The following DNAAF9 variants were observed in gnomAD, a reference collection of about 807,000 sequenced individuals.
DNAAF9 encodes the protein shulin.
A neutral mutation model predicts 167.0 loss-of-function variants in DNAAF9; 90 were observed. That is an observed-to-expected ratio of 0.54 (90% confidence interval 0.45 to 0.64). DNAAF9 has a LOEUF of 0.64. Ranked by LOEUF, DNAAF9 falls within the 30% of genes least tolerant of loss-of-function variation. DNAAF9 has a pLI of 0.00. For synonymous variants in DNAAF9, 491 were observed against 508.8 expected, an observed-to-expected ratio of 0.96 and a Z score of 0.47; for missense variants, 1,315 against 1,442.2, an observed-to-expected ratio of 0.91 and a Z score of 1.43.
intron 27 of DNAAF9, 25 bp downstream of exon 27, chr20:3,287,607 T>C: frequency 6.2e-7 from 1 of 1,612,696 alleles, no homozygotes; most frequent in East Asian, 2.2e-5. Flanking sequence ...GATTCGACTG[T>C]TTCCAGGAGA....
chr20:3,334,432 T>C (rs1190375246), intron 10 of DNAAF9, among the ~76,000 whole-genome samples: 1 of 152,228 alleles, frequency 6.6e-6, no homozygotes, highest in Non-Finnish European at 1.5e-5. Context: ...TTGACAGCTC[T>C]TTTCTTTTTA....
At position 3,387,972 on chromosome 20, in the gene DNAAF9, A is replaced by C. The variant is rs554256732; in HGVS notation, c.84-5466T>G. Among the ~76,000 whole-genome samples, 6 of 150,884 alleles carry C rather than the reference A, an allele frequency of 4.0e-5. No individual in the cohort carries two copies. The East Asian group carries it at 1.2e-3, about 29-fold the overall frequency. ...TCCCACCTACTCATGAGGCTAAGGT[A>C]AGAGGATCATCTGAGCCCAAGAGGT... On this transcript the variant is annotated intron_variant, in intron 1 of 36. Transcript: ENST00000252032.
intron 21 of DNAAF9, among the ~76,000 whole-genome samples, chr20:3,298,588 G>A (rs1277213588): frequency 6.6e-6 from 1 of 152,058 alleles, no homozygotes; most frequent in Non-Finnish European, 1.5e-5. Context: ...CCCAAGTGTT[G>A]GGATTACAGG....
chr20:3,332,228 G>A, intron 11 of DNAAF9, 52 bp downstream of exon 11: 2 of 952,796 alleles, frequency 2.1e-6, no homozygotes, highest in South Asian at 1.4e-5. Flanking sequence ...TAGTTCATGG[G>A]ACAGACTATT....
chr20:3,271,328 A>G (rs1052198466), intron 29 of DNAAF9, among the ~76,000 whole-genome samples: 1 of 152,166 alleles, frequency 6.6e-6, no homozygotes, highest in African/African-American at 2.4e-5. Context: ...AGGGAGCCAC[A>G]TGATTCCAAG....
At chr20:3,311,269 T>C (rs1037426300) in intron 20 of DNAAF9, among the ~76,000 whole-genome samples, 1 of 151,886 alleles carries the variant, frequency 6.6e-6, no homozygotes, top group African/African-American at 2.4e-5. Flanking sequence ...GCCTTCCAAG[T>C]AGATGGGACT....
intron 30 of DNAAF9, 141 bp downstream of exon 30, chr20:3,270,286 G>A (rs1426801668): frequency 4.2e-6 from 3 of 707,768 alleles, no homozygotes; most frequent in Non-Finnish European, 7.3e-6. Flanking sequence ...GGGACTATAG[G>A]TGCGTGCCAC....
intron 2 of DNAAF9, among the ~76,000 whole-genome samples, 157 bp from the exon 3 acceptor site, chr20:3,381,655 G>T (rs2083656036): frequency 6.6e-6 from 1 of 152,174 alleles, no homozygotes; most frequent in Admixed American, 6.5e-5. Flanking sequence ...TTCTGTGAAA[G>T]AAACAGGTCT....
At chr20:3,302,848 G>A (rs752442892) in intron 21 of DNAAF9, among the ~76,000 whole-genome samples, 81 of 152,324 alleles carry the variant, frequency 5.3e-4, no homozygotes, top group Middle Eastern at 3.4e-3. Context: ...GTGGTTTCAT[G>A]AATGTACACA....
chr20:3,392,023 A>T (rs558900155), intron 1 of DNAAF9, among the ~76,000 whole-genome samples: 1 of 152,250 alleles, frequency 6.6e-6, no homozygotes, highest in East Asian at 1.9e-4. Flanking sequence ...AAAATAAAAA[A>T]ATTAGCCAGG....
At chr20:3,295,703 C>T (rs568471693) in intron 23 of DNAAF9, 10 of 561,028 alleles carry the variant, frequency 1.8e-5, no homozygotes, top group African/African-American at 1.0e-4. Context: ...GGCCTGCAAC[C>T]GTCCCCTTTT....
intron 30 of DNAAF9, among the ~76,000 whole-genome samples, chr20:3,269,862 G>A (rs1426015537): frequency 1.3e-5 from 2 of 151,820 alleles, no homozygotes; most frequent in Non-Finnish European, 2.9e-5. Flanking sequence ...GGAGGCTGAG[G>A]CAGGAGAATG....
At chr20:3,388,866 G>A (rs1456814176) in intron 1 of DNAAF9, among the ~76,000 whole-genome samples, 1 of 152,162 alleles carries the variant, frequency 6.6e-6, no homozygotes, top group Non-Finnish European at 1.5e-5. Context: ...GTGGATGGAT[G>A]GTGGTGATTT....
At chr20:3,330,787 T>C in intron 11 of DNAAF9, 105 bp from the exon 12 acceptor site, 1 of 554,626 alleles carries the variant, frequency 1.8e-6, no homozygotes, top group Non-Finnish European at 3.1e-6. Context: ...TGTCAAGAAC[T>C]ACACTTTTTT....
rs191147163 is a variant in DNAAF9 at position 3,269,061 on chromosome 20, A to T, written c.2786+1366T>A. On this transcript the variant is annotated intron_variant, in intron 30 of 36. Transcript: ENST00000252032. ...TGGGGCTACAGGTGCCTGCCACCAC[A>T]CCTGGCTAATTTCTGTATTTTTTTA... Among the ~76,000 whole-genome samples the T allele has an allele frequency of 3.0e-3, 449 of 151,132 alleles. 3 individuals are homozygous for T. Among genetic ancestry groups the T allele is most frequent in the African/African-American group, 8.5e-3 (350 of 41,204 alleles).
At chr20:3,310,365 G>GAAAGAAAGAAAGAAAGAA (rs1272099168) in intron 20 of DNAAF9, among the ~76,000 whole-genome samples, 10 of 150,862 alleles carry the variant, frequency 6.6e-5, no homozygotes, top group African/African-American at 2.4e-4. Flanking sequence ...AAGAAAGAAA[G>GAAAGAAAGAAAGAAAGAA]AAAGAAAGAA....
At chr20:3,357,421 A>G (rs939884421) in intron 7 of DNAAF9, among the ~76,000 whole-genome samples, 2 of 152,094 alleles carry the variant, frequency 1.3e-5, no homozygotes, top group Non-Finnish European at 2.9e-5. Context: ...GCAGTGAGCC[A>G]AGATCGCACC....
In DNAAF9 at chr20:3,343,667, G is replaced by C. The variant is rs1466397212; in HGVS notation, c.845+9C>G. 1 of 1,607,762 alleles carries C rather than the reference G, an allele frequency of 6.2e-7. No homozygotes were observed. Among genetic ancestry groups the C allele is most frequent in the Non-Finnish European group, 8.5e-7 (1 of 1,175,848 alleles). On this transcript the variant is annotated intron_variant, in intron 9 of 36. Transcript: ENST00000252032. The stretch of plus-strand genomic sequence containing the variant: ...CCATTCGCCCTTCTTCCCCAAGAAA[G>C]AAACTTACCTGTTTTCAGTTATATG...
chr20:3,342,808 G>A (rs2070113674), intron 9 of DNAAF9, among the ~76,000 whole-genome samples: 1 of 152,168 alleles, frequency 6.6e-6, no homozygotes, highest in Non-Finnish European at 1.5e-5. Context: ...TCCATCAGAG[G>A]AAGTATCTCC....
Sources: allele counts gnomAD v4.1 joint callset (sites outside exome capture counted in the v4.1 genomes callset), GRCh38; gene constraint gnomAD v4.1.1; transcripts MANE v1.5; gene names NCBI Gene and HGNC (gene_info 2026-07-23, HGNC 2026-07-21).